Variants in WDFY3 observed in about 807,000 individuals in gnomAD.
WDFY3 encodes WD repeat and FYVE domain-containing protein 3.
WDFY3 carries 66 observed loss-of-function variants against 409.6 expected under a neutral mutation model. The observed-to-expected ratio is 0.16, with a 90% confidence interval of 0.13 to 0.20. WDFY3 has a LOEUF of 0.20. WDFY3 is among the 10% of genes least tolerant of loss of function. WDFY3 has a pLI of 1.00. For missense variants in WDFY3, 3,031 were observed against 4,298.1 expected, an observed-to-expected ratio of 0.71 and a Z score of 8.24; for synonymous variants, 1,521 against 1,537.1, an observed-to-expected ratio of 0.99 and a Z score of 0.25.
At chr4:84,939,620 T>C (rs1306238158) in intron 1 of WDFY3, among the ~76,000 whole-genome samples, 1 of 152,202 alleles carries the variant, frequency 6.6e-6, no homozygotes, top group African/African-American at 2.4e-5. Flanking sequence ...TTTATTCCTA[T>C]TTCTAATGGT....
At chr4:84,751,828 T>C (rs962427665) in intron 35 of WDFY3, 112 bp from the exon 36 acceptor site, 2 of 1,105,866 alleles carry the variant, frequency 1.8e-6, no homozygotes, top group Admixed American at 4.0e-5. Flanking sequence ...TATTAAGCTA[T>C]TCAGCACATT....
At chr4:84,716,438 C>CAA (rs549365469) in intron 49 of WDFY3, among the ~76,000 whole-genome samples, 82 of 55,572 alleles carry the variant, frequency 1.5e-3, no homozygotes, top group African/African-American at 4.7e-3. Context: ...GACTCCATCT[C>CAA]AAAAAAAAAA....
intron 21 of WDFY3, among the ~76,000 whole-genome samples, chr4:84,793,689 A>G (rs1384945266): frequency 6.6e-6 from 1 of 152,224 alleles, no homozygotes; most frequent in Non-Finnish European, 1.5e-5. Flanking sequence ...ACATGCTACT[A>G]AAGGGGCAAA....
intron 1 of WDFY3, among the ~76,000 whole-genome samples, chr4:84,961,764 G>A (rs933765194): frequency 6.6e-6 from 1 of 152,018 alleles, no homozygotes; most frequent in Non-Finnish European, 1.5e-5. Flanking sequence ...TATAATAAAT[G>A]GCTAAAGTTT....
chr4:84,691,432 A>C (rs536247289), intron 60 of WDFY3, among the ~76,000 whole-genome samples, 199 bp downstream of exon 60: 1 of 152,306 alleles, frequency 6.6e-6, no homozygotes. Context: ...GGAACATGAC[A>C]TCTCTATGAG....
chr4:84,755,819 GATAAA>G (rs1227169556), intron 33 of WDFY3, among the ~76,000 whole-genome samples: 3 of 152,076 alleles, frequency 2.0e-5, no homozygotes, highest in Non-Finnish European at 4.4e-5. Flanking sequence ...AGATAAATCT[GATAAA>G]ATAAAATTAA....
intron 2 of WDFY3, among the ~76,000 whole-genome samples, chr4:84,900,938 A>C (rs1189701361): frequency 6.6e-6 from 1 of 152,202 alleles, no homozygotes; most frequent in Non-Finnish European, 1.5e-5. Flanking sequence ...AAATAATAGA[A>C]ATGTATTTCC....
intron 27 of WDFY3, among the ~76,000 whole-genome samples, chr4:84,776,134 C>A (rs981285279): frequency 6.6e-6 from 1 of 151,818 alleles, no homozygotes; most frequent in African/African-American, 2.4e-5. Flanking sequence ...GGATTATAAA[C>A]ATATAGAAGT....
chr4:84,686,236 G>A (rs1728304259), intron 62 of WDFY3, among the ~76,000 whole-genome samples: 1 of 152,120 alleles, frequency 6.6e-6, no homozygotes, highest in Non-Finnish European at 1.5e-5. Context: ...AACCCGGGAG[G>A]TGGAGCTTGC....
At chr4:84,942,336 A>G (rs1199451741) in intron 1 of WDFY3, among the ~76,000 whole-genome samples, 1 of 152,132 alleles carries the variant, frequency 6.6e-6, no homozygotes, top group East Asian at 1.9e-4. Context: ...TCTTTAAACA[A>G]TAAAAAAAAA....
intron 1 of WDFY3, among the ~76,000 whole-genome samples, chr4:84,955,142 G>T (rs1305248794): frequency 6.6e-6 from 1 of 151,914 alleles, no homozygotes; most frequent in Non-Finnish European, 1.5e-5. Flanking sequence ...GGCAGAGGTT[G>T]CAGTGAGCTG....
intron 2 of WDFY3, among the ~76,000 whole-genome samples, chr4:84,910,004 T>A (rs1201236723): frequency 6.6e-6 from 1 of 152,200 alleles, no homozygotes; most frequent in Non-Finnish European, 1.5e-5. Context: ...AGATACACAG[T>A]CAGCCCTCTG....
chr4:84,877,472 A>T (rs2150365677), intron 3 of WDFY3, among the ~76,000 whole-genome samples: 2 of 151,822 alleles, frequency 1.3e-5, no homozygotes, highest in South Asian at 2.1e-4. Context: ...TAATTGTTTT[A>T]TTTTTTTATA....
rs1045231706 is a variant in WDFY3 at position 84,925,416 on chromosome 4, T to C, written c.-132+6854A>G. Among the ~76,000 whole-genome samples, 9 of 152,240 alleles carry C rather than the reference T, an allele frequency of 5.9e-5. No individual in the cohort carries two copies. The East Asian group carries it at 1.5e-3, about 26-fold the overall frequency. ...GACCCAGGAAGAAACAAATGGACAA[T>C]GTGGATTTTTACAAGAAAGTTGGTC... On this transcript the variant is annotated intron_variant, in intron 2 of 67. Transcript: ENST00000295888.
chr4:84,954,816 ACTCT>A (rs1774038752), intron 1 of WDFY3, among the ~76,000 whole-genome samples: 1 of 152,102 alleles, frequency 6.6e-6, no homozygotes, highest in Non-Finnish European at 1.5e-5. Context: ...ATTTTTCCAA[ACTCT>A]CTCTAGAATC....
At chr4:84,763,232 GACATGGACAAAGCTGGAA>G (rs1191435118) in intron 32 of WDFY3, among the ~76,000 whole-genome samples, 1 of 152,070 alleles carries the variant, frequency 6.6e-6, no homozygotes, top group Non-Finnish European at 1.5e-5. Context: ...CCTTTGCAGG[GACATGGACAAAGCTGGAA>G]ACCATCATCC....
In WDFY3 at chr4:84,765,798, A is replaced by G; in HGVS notation, c.5188+12T>C. 6.2e-7 allele frequency: 1 copy of G among 1,610,652 alleles called. No individual in the cohort carries two copies. Among genetic ancestry groups the G allele is most frequent in the South Asian group, 1.1e-5 (1 of 90,652 alleles). On this transcript the variant is annotated intron_variant, in intron 32 of 67. Coordinates refer to ENST00000295888, the MANE Select transcript of WDFY3 (RefSeq NM_014991.6). ...GCTCATTTTCAAGCAGCTGACTAGA[A>G]AAGTCCCATACCTAATACAGTTCCA... is the stretch of plus-strand genomic sequence containing the variant.
intron 45 of WDFY3, 81 bp downstream of exon 45, chr4:84,726,780 C>A: frequency 1.6e-6 from 2 of 1,233,320 alleles, no homozygotes; most frequent in Non-Finnish European, 1.1e-6. Flanking sequence ...TCTAGTCTAC[C>A]ATGCACTTAA....
chr4:84,786,225 G>A, intron 23 of WDFY3, 86 bp from the exon 24 acceptor site: 7 of 1,331,740 alleles, frequency 5.3e-6, no homozygotes, highest in Non-Finnish European at 7.0e-6. Flanking sequence ...ATTTTTAAAT[G>A]AGGAGGCTTG....
Sources: allele counts gnomAD v4.1 joint callset (sites outside exome capture counted in the v4.1 genomes callset), GRCh38; gene constraint gnomAD v4.1.1; transcripts MANE v1.5; gene names NCBI Gene and HGNC (gene_info 2026-07-23, HGNC 2026-07-21).